The following PDE10A variants were observed in gnomAD, a reference collection of about 807,000 sequenced individuals.
PDE10A encodes the protein cAMP and cAMP-inhibited cGMP 3',5'-cyclic phosphodiesterase 10A.
In PDE10A, 39 loss-of-function variants were observed where a neutral mutation model predicts 97.7. That is an observed-to-expected ratio of 0.40 (90% CI 0.31 to 0.52). The LOEUF (loss-of-function observed/expected upper bound fraction) is 0.52. Among genes scored for constraint, PDE10A ranks in the 20% least tolerant of loss-of-function variants. The pLI is 0.56. For synonymous variants in PDE10A, 371 were observed against 376.8 expected, an observed-to-expected ratio of 0.98 and a Z score of 0.18; for missense variants, 731 against 1,047.8, an observed-to-expected ratio of 0.70 and a Z score of 4.17.
chr6:165,573,096 C>G (rs926378189), intron 1 of PDE10A, among the ~76,000 whole-genome samples: 1 of 152,112 alleles, frequency 6.6e-6, no homozygotes, highest in Admixed American at 6.5e-5. Context: ...CTGATATAGG[C>G]ACCTTGGTCT....
chr6:165,333,200 A>C, intron 21 of PDE10A, 73 bp from the exon 22 acceptor site: 3 of 917,708 alleles, frequency 3.3e-6, no homozygotes, highest in East Asian at 2.4e-5. Flanking sequence ...AAACTAACCA[A>C]ACAGTCCTGT....
At chr6:165,920,396 T>C (rs532657890) in intron 1 of PDE10A, among the ~76,000 whole-genome samples, 61 of 152,336 alleles carry the variant, frequency 4.0e-4, no homozygotes, top group Admixed American at 1.5e-3. Context: ...AATCATCTTC[T>C]ACATGAGTAG....
At chr6:165,562,288 C>T (rs538971710) in intron 1 of PDE10A, among the ~76,000 whole-genome samples, 1 of 151,924 alleles carries the variant, frequency 6.6e-6, no homozygotes, top group Non-Finnish European at 1.5e-5. Flanking sequence ...TAGAATGTAG[C>T]CTGTTATTAA....
At chr6:165,777,735 A>G (rs1276081317) in intron 1 of PDE10A, among the ~76,000 whole-genome samples, 1 of 152,228 alleles carries the variant, frequency 6.6e-6, no homozygotes, top group Non-Finnish European at 1.5e-5. Flanking sequence ...TAAAACATAC[A>G]AAACAATCTA....
At chr6:165,342,008 T>C (rs545621871) in intron 19 of PDE10A, among the ~76,000 whole-genome samples, 34 of 152,316 alleles carry the variant, frequency 2.2e-4, no homozygotes, top group African/African-American at 7.5e-4. Flanking sequence ...TGGTTAACTT[T>C]ACGCAGTTAC....
intron 3 of PDE10A, among the ~76,000 whole-genome samples, chr6:165,463,795 G>A (rs954423490): frequency 9.9e-5 from 15 of 152,198 alleles, no homozygotes; most frequent in African/African-American, 1.7e-4. Flanking sequence ...TGGGTTTACC[G>A]GAATGAGGGC....
intron 1 of PDE10A, among the ~76,000 whole-genome samples, chr6:165,581,522 A>G (rs1427230664): frequency 6.6e-6 from 1 of 152,244 alleles, no homozygotes; most frequent in East Asian, 1.9e-4. Flanking sequence ...TGCATCAGCC[A>G]GCACCATGGT....
At chr6:165,757,315 A>T (rs1288611475) in intron 1 of PDE10A, among the ~76,000 whole-genome samples, 2 of 151,172 alleles carry the variant, frequency 1.3e-5, no homozygotes, top group Non-Finnish European at 2.9e-5. Flanking sequence ...ACGAGCTGCA[A>T]TTTTTTTTCA....
intron 1 of PDE10A, among the ~76,000 whole-genome samples, chr6:165,727,677 T>G (rs1457699173): frequency 2.6e-5 from 4 of 152,148 alleles, no homozygotes; most frequent in Non-Finnish European, 5.9e-5. Context: ...AGCCAGGAGA[T>G]CAAAAGTAAT....
At chr6:165,588,023 A>G (rs1460052207) in intron 1 of PDE10A, among the ~76,000 whole-genome samples, 1 of 152,202 alleles carries the variant, frequency 6.6e-6, no homozygotes, top group Non-Finnish European at 1.5e-5. Flanking sequence ...TATTTTAACC[A>G]GTATTAGCCT....
At chr6:165,352,375 A>G (rs1782745860) in intron 18 of PDE10A, among the ~76,000 whole-genome samples, 1 of 152,140 alleles carries the variant, frequency 6.6e-6, no homozygotes, top group Non-Finnish European at 1.5e-5. Flanking sequence ...TCTGTGTTTT[A>G]GTATTAATTT....
intron 2 of PDE10A, among the ~76,000 whole-genome samples, chr6:165,522,367 A>C (rs1318850982): frequency 2.0e-5 from 3 of 152,190 alleles, no homozygotes; most frequent in Non-Finnish European, 4.4e-5. Flanking sequence ...CTATAGTCTA[A>C]TATCCCTGAT....
intron 1 of PDE10A, among the ~76,000 whole-genome samples, chr6:165,850,903 A>G (rs1780555228): frequency 6.6e-6 from 1 of 152,238 alleles, no homozygotes; most frequent in South Asian, 2.1e-4. Context: ...GCATCTCACT[A>G]GGTAACTTAA....
chr6:165,692,578 G>A (rs1562688339), intron 1 of PDE10A, among the ~76,000 whole-genome samples: 2 of 152,130 alleles, frequency 1.3e-5, no homozygotes, highest in Admixed American at 1.3e-4. Flanking sequence ...GCTGGTCTTC[G>A]TGCCTGTCCT....
intron 1 of PDE10A, among the ~76,000 whole-genome samples, chr6:165,905,374 T>C (rs1383194004): frequency 6.6e-6 from 1 of 152,170 alleles, no homozygotes; most frequent in Admixed American, 6.5e-5. Flanking sequence ...TTTACATACA[T>C]GCAATTAAAA....
At chr6:165,921,598 G>A (rs1782754329) in intron 1 of PDE10A, among the ~76,000 whole-genome samples, 3 of 152,148 alleles carry the variant, frequency 2.0e-5, no homozygotes, top group Non-Finnish European at 4.4e-5. Context: ...TATGAAGAAG[G>A]GTAACATTTG....
intron 1 of PDE10A, among the ~76,000 whole-genome samples, chr6:165,634,689 T>G (rs1219900725): frequency 6.6e-6 from 1 of 152,208 alleles, no homozygotes; most frequent in Non-Finnish European, 1.5e-5. Flanking sequence ...TAAATTTGAC[T>G]GTAAACTGAC....
intron 2 of PDE10A, among the ~76,000 whole-genome samples, chr6:165,527,511 C>A (rs1288049482): frequency 6.6e-6 from 1 of 152,164 alleles, no homozygotes; most frequent in Non-Finnish European, 1.5e-5. Flanking sequence ...GCCATCTCCA[C>A]CAGATAACTA....
Position 165,448,919 on chromosome 6 carries a change from G to T in PDE10A, c.1194+9C>A. ...TCTAGAGCACCAAAATCTAAATTTA[G>T]ATACTTACATTATTGCACTCTCCAA... On this transcript the variant is annotated intron_variant, in intron 5 of 21. Coordinates refer to ENST00000539869, the MANE Select transcript of PDE10A (RefSeq NM_001385079.1). The T allele has an allele frequency of 6.3e-7, 1 of 1,586,184 alleles. No homozygotes were observed. The highest frequency in any genetic ancestry group is 8.6e-7 in the Non-Finnish European group (1 of 1,158,522).
Sources: gnomAD v4.1 joint callset for allele counts (sites outside exome capture counted in the v4.1 genomes callset) on GRCh38, gnomAD v4.1.1 for gene constraint, MANE v1.5 for transcripts, NCBI Gene and HGNC (gene_info 2026-07-23, HGNC 2026-07-21) for gene names.